MCTP1: variants seen among roughly 807,000 people sequenced by gnomAD.
MCTP1 encodes multiple C2 and transmembrane domain-containing protein 1.
In MCTP1, 69 loss-of-function variants were observed where a neutral mutation model predicts 120.6. That is an observed-to-expected ratio of 0.57 (90% CI 0.47 to 0.70). MCTP1 has a LOEUF of 0.70. Ranked by LOEUF, MCTP1 falls within the 30% of genes least tolerant of loss-of-function variation. The pLI is 0.00. For synonymous variants in MCTP1, 529 were observed against 493.1 expected (o/e 1.07, Z -0.96); for missense variants, 1,203 against 1,248.8 (o/e 0.96, Z 0.55).
At chr5:95,027,252 A>G (rs1341954642) in intron 1 of MCTP1, among the ~76,000 whole-genome samples, 1 of 152,188 alleles carries the variant, frequency 6.6e-6, no homozygotes, top group African/African-American at 2.4e-5. Context: ...TACAGCCGCA[A>G]TGGAAAGAAA....
intron 1 of MCTP1, among the ~76,000 whole-genome samples, chr5:95,237,937 C>T (rs1196291330): frequency 2.6e-5 from 4 of 152,040 alleles, no homozygotes; most frequent in South Asian, 4.1e-4. Context: ...GCATGCCACA[C>T]GAGATGCTGG....
intron 1 of MCTP1, among the ~76,000 whole-genome samples, chr5:95,093,441 A>C (rs974971296): frequency 1.3e-5 from 2 of 152,034 alleles, no homozygotes; most frequent in Non-Finnish European, 2.9e-5. Context: ...AAATTTAGGT[A>C]TGTCGGGGGA....
Position 94,791,355 on chromosome 5 carries a change from T to C in MCTP1, c.2556+7658A>G, listed in dbSNP as rs375791268. Among the ~76,000 whole-genome samples, 22 of 150,862 alleles carry C rather than the reference T, an allele frequency of 1.5e-4. 1 individual carries two copies. The East Asian group carries it at 3.5e-3, about 24-fold the overall frequency. On this transcript the variant is annotated intron_variant, in intron 18 of 22. Transcript: ENST00000515393. ...AACAGTGTTTAATTAAGAAGACTGG[T>C]GCAGTGGCTCGCACCTGTTGTCCCA...
At chr5:95,201,604 A>G (rs1173259216) in intron 1 of MCTP1, among the ~76,000 whole-genome samples, 3 of 146,076 alleles carry the variant, frequency 2.1e-5, no homozygotes, top group Admixed American at 1.4e-4. Context: ...TCCCAGGTTC[A>G]GGCAATTCTC....
rs150542376 is a variant in MCTP1, at chr5:94,772,034, C to T, written c.2610+7076G>A. 5.8e-4 allele frequency among the ~76,000 whole-genome samples: 88 copies of T among 152,278 alleles called. 1 individual carries two copies. In the East Asian group the frequency reaches 5.8e-3, roughly 10 times the overall value. ...AAGCCAGCAACAGCAGTCCCCACCC[C>T]CTACCAGTTAGTTTGTGTTTTACTG... On this transcript the variant is annotated intron_variant, in intron 19 of 22. Transcript: ENST00000515393.
intron 6 of MCTP1, among the ~76,000 whole-genome samples, chr5:94,930,069 T>A (rs1231927637): frequency 6.6e-6 from 1 of 152,026 alleles, no homozygotes; most frequent in Admixed American, 6.6e-5. Context: ...AATGCATCCG[T>A]TCGAATATAT....
intron 1 of MCTP1, among the ~76,000 whole-genome samples, chr5:95,123,989 T>C (rs1042878526): frequency 6.6e-6 from 1 of 152,200 alleles, no homozygotes; most frequent in African/African-American, 2.4e-5. Context: ...TGTATCAATG[T>C]ACAAATAAGG....
intron 19 of MCTP1, among the ~76,000 whole-genome samples, chr5:94,736,085 G>C (rs7725698): frequency 0.75 from 114,365 of 152,222 alleles, 43,317 homozygotes; most frequent in East Asian, 0.97. Context: ...ATCTCTAAAA[G>C]ATGATTAGTA....
chr5:94,752,123 A>ATATATATATATATATATATATT (rs1768576246), intron 19 of MCTP1, among the ~76,000 whole-genome samples: 2 of 67,822 alleles, frequency 2.9e-5, no homozygotes, highest in African/African-American at 1.5e-4. Context: ...ATATATATAT[A>ATATATATATATATATATATATT]TATATATATA....
chr5:95,247,328 T>G (rs980598105), intron 1 of MCTP1, among the ~76,000 whole-genome samples: 1 of 152,154 alleles, frequency 6.6e-6, no homozygotes, highest in East Asian at 1.9e-4. Flanking sequence ...TTTGTTTATC[T>G]TTTCAAAAAA....
chr5:94,997,723 C>A (rs545097198), intron 2 of MCTP1, among the ~76,000 whole-genome samples: 1 of 152,284 alleles, frequency 6.6e-6, no homozygotes, highest in African/African-American at 2.4e-5. Flanking sequence ...AACCAAAGTA[C>A]ACAGTTCACA....
At position 95,239,876 on chromosome 5, in the gene MCTP1, T is replaced by A. The variant is rs181815988; in HGVS notation, c.720+43980A>T. 3.8e-3 allele frequency among the ~76,000 whole-genome samples: 576 copies of A among 152,260 alleles called. 4 individuals are homozygous for A. Among genetic ancestry groups the A allele is most frequent in the African/African-American group, 0.012 (500 of 41,586 alleles). Reference sequence around the variant, plus strand: ...TCTAACATTTTCTTCTTCACATTTTTAATTTTTTTATTATGTCAAATTGAA... The same window carrying A: ...TCTAACATTTTCTTCTTCACATTTTAAATTTTTTTATTATGTCAAATTGAA... On this transcript the variant is annotated intron_variant, in intron 1 of 22. Coordinates refer to ENST00000515393, the MANE Select transcript of MCTP1 (RefSeq NM_024717.7).
At chr5:95,205,081 T>A (rs1751473537) in intron 1 of MCTP1, among the ~76,000 whole-genome samples, 1 of 152,134 alleles carries the variant, frequency 6.6e-6, no homozygotes. Flanking sequence ...CATAATTTAT[T>A]AATAAAAACT....
intron 1 of MCTP1, among the ~76,000 whole-genome samples, chr5:95,216,415 C>T (rs1470068728): frequency 6.6e-6 from 1 of 152,226 alleles, no homozygotes; most frequent in Non-Finnish European, 1.5e-5. Context: ...AGAAACTACT[C>T]TATCCTGTAG....
intron 1 of MCTP1, among the ~76,000 whole-genome samples, chr5:95,095,129 T>G (rs2152350278): frequency 7.0e-6 from 1 of 142,866 alleles, no homozygotes; most frequent in East Asian, 2.2e-4. Flanking sequence ...GTTCACGCCA[T>G]TCTCCTGCCT....
At chr5:94,989,468 C>T (rs1327967981) in intron 2 of MCTP1, among the ~76,000 whole-genome samples, 1 of 152,188 alleles carries the variant, frequency 6.6e-6, no homozygotes, top group Non-Finnish European at 1.5e-5. Context: ...TATATTTGGT[C>T]TTTGCTCCTA....
chr5:94,894,699 C>G lies in MCTP1; in HGVS notation c.1789G>C (p.Val597Leu). The G allele has an allele frequency of 6.2e-7, 1 of 1,613,000 alleles. No individual in the cohort carries two copies. Among genetic ancestry groups the G allele is most frequent in the South Asian group, 1.1e-5 (1 of 90,998 alleles). ...TCCTTCTGGTCCTCCAGGGAGTTGACAGACAGGTCAGAGATGCTGACTGTG... is the reference window on the plus strand; with the variant it reads ...TCCTTCTGGTCCTCCAGGGAGTTGAGAGACAGGTCAGAGATGCTGACTGTG... The part of the protein sequence containing the change: ...SATVSISDLS[V>L]NSLEDQKERE... The change falls in exon 11 of 23, where the codon GTC becomes CTC. Residue 597 changes from valine (V) to leucine (L), a missense_variant. Around this residue, in one of 2 missense-constraint regions of MCTP1, gnomAD observed 740 missense variants for 871.1 expected, o/e 0.85. Transcript: ENST00000515393.
intron 1 of MCTP1, among the ~76,000 whole-genome samples, chr5:95,109,303 TA>T (rs1366342791): frequency 9.9e-5 from 15 of 152,224 alleles, no homozygotes; most frequent in Non-Finnish European, 1.6e-4. Flanking sequence ...AAGAATGGTA[TA>T]AACTAGTGAA....
chr5:94,843,858 G>GAT (rs1791673224), intron 17 of MCTP1, among the ~76,000 whole-genome samples: 1 of 152,194 alleles, frequency 6.6e-6, no homozygotes, highest in Admixed American at 6.5e-5. Context: ...AGAATTGACT[G>GAT]ATTTATTAGG....
Sources: allele counts gnomAD v4.1 joint callset (sites outside exome capture counted in the v4.1 genomes callset), GRCh38; gene constraint gnomAD v4.1.1; regional missense constraint gnomAD v4.1.1; transcripts MANE v1.5; gene names NCBI Gene and HGNC (gene_info 2026-07-23, HGNC 2026-07-21).